The following RGS6 variants were observed in gnomAD, a reference collection of about 807,000 sequenced individuals.
RGS6 encodes the protein regulator of G protein signaling 6, also known as regulator of G-protein signaling 6.
In RGS6, 30 loss-of-function variants were observed where a neutral mutation model predicts 78.5. The ratio of observed to expected loss-of-function variants is 0.38; its 90% CI spans 0.29 to 0.52. RGS6 has a LOEUF of 0.52. Among genes scored for constraint, RGS6 ranks in the 20% least tolerant of loss-of-function variants. The pLI, the probability that RGS6 is intolerant of heterozygous loss-of-function variation, is 0.85. For missense variants in RGS6, 495 were observed against 609.7 expected, an observed-to-expected ratio of 0.81 and a Z score of 1.98; for synonymous variants, 206 against 206.0, an observed-to-expected ratio of 1.00 and a Z score of 0.00.
intron 13 of RGS6, among the ~76,000 whole-genome samples, chr14:72,509,271 A>G (rs2096849431): frequency 6.6e-6 from 1 of 151,726 alleles, no homozygotes; most frequent in Admixed American, 6.6e-5. Context: ...AGGCTGAGGC[A>G]GGAGCATTGC....
At chr14:72,504,305 T>C (rs1330355403) in intron 13 of RGS6, among the ~76,000 whole-genome samples, 1 of 152,240 alleles carries the variant, frequency 6.6e-6, no homozygotes, top group Non-Finnish European at 1.5e-5. Context: ...CTTTTTGTGC[T>C]TAACAATTCT....
intron 2 of RGS6, among the ~76,000 whole-genome samples, chr14:72,164,529 A>G (rs1015956174): frequency 6.6e-6 from 1 of 152,206 alleles, no homozygotes; most frequent in African/African-American, 2.4e-5. Flanking sequence ...GAATCACCTC[A>G]TGGAATCTTC....
chr14:72,262,243 G>A (rs1200181184), intron 2 of RGS6, among the ~76,000 whole-genome samples: 1 of 152,192 alleles, frequency 6.6e-6, no homozygotes, highest in Admixed American at 6.5e-5. Flanking sequence ...GTATTAGTCA[G>A]CTTTGGCTGT....
intron 2 of RGS6, among the ~76,000 whole-genome samples, chr14:72,077,083 C>G (rs992870502): frequency 3.3e-5 from 5 of 151,370 alleles, no homozygotes; most frequent in African/African-American, 9.7e-5. Flanking sequence ...CATTAGAATT[C>G]CCTTTTTCCA....
intron 2 of RGS6, among the ~76,000 whole-genome samples, chr14:72,273,305 TCTC>T (rs1289429523): frequency 2.6e-5 from 4 of 152,136 alleles, no homozygotes; most frequent in Non-Finnish European, 5.9e-5. Flanking sequence ...CATTAGACAA[TCTC>T]CTCCCTCACC....
At chr14:72,607,180 C>T in the RGS6 span, among the ~76,000 whole-genome samples, 1 of 152,174 alleles carries the variant, frequency 6.6e-6, no homozygotes, top group African/African-American at 2.4e-5. Flanking sequence ...TCTCAAAAGA[C>T]CTCTCTCAGA....
intron 2 of RGS6, among the ~76,000 whole-genome samples, chr14:72,162,088 A>T (rs769260539): frequency 1.3e-5 from 2 of 152,242 alleles, no homozygotes; most frequent in African/African-American, 2.4e-5. Flanking sequence ...TCCAAGAATG[A>T]AAACTTTGAC....
intron 15 of RGS6, among the ~76,000 whole-genome samples, chr14:72,528,392 C>T (rs1036141572): frequency 2.0e-5 from 3 of 152,158 alleles, no homozygotes; most frequent in Middle Eastern, 3.2e-3. Context: ...GGTAACATCC[C>T]TCCACTACAG....
At chr14:72,015,643 G>A (rs961744248) in intron 2 of RGS6, among the ~76,000 whole-genome samples, 7 of 152,164 alleles carry the variant, frequency 4.6e-5, no homozygotes, top group Admixed American at 6.5e-5. Flanking sequence ...GTTCTAGAAC[G>A]TGCACATTTT....
At chr14:71,894,048 C>A in the RGS6 span, among the ~76,000 whole-genome samples, 3 of 152,132 alleles carry the variant, frequency 2.0e-5, no homozygotes, top group Non-Finnish European at 4.4e-5. Flanking sequence ...GGTCCTGGAC[C>A]TTTGACCCAT....
chr14:72,060,449 A>G (rs1231546271), intron 2 of RGS6, among the ~76,000 whole-genome samples: 3 of 147,330 alleles, frequency 2.0e-5, no homozygotes, highest in Non-Finnish European at 3.0e-5. Context: ...CAGATATTCT[A>G]TCTGCCATGT....
intron 7 of RGS6, among the ~76,000 whole-genome samples, chr14:72,466,201 T>C (rs1296165551): frequency 6.6e-6 from 1 of 152,184 alleles, no homozygotes; most frequent in Non-Finnish European, 1.5e-5. Flanking sequence ...ACATACCTAT[T>C]AGAATGGCCA....
chr14:71,920,943 T>A, the RGS6 span, among the ~76,000 whole-genome samples: 1 of 152,132 alleles, frequency 6.6e-6, no homozygotes, highest in African/African-American at 2.4e-5. Flanking sequence ...GGAGAAAATA[T>A]TTACAATATT....
upstream of RGS6, among the ~76,000 whole-genome samples, chr14:71,931,073 G>A (rs1053924173): frequency 7.3e-6 from 1 of 136,842 alleles, no homozygotes; most frequent in African/African-American, 2.7e-5. Context: ...TCCATGTACA[G>A]CCTATTCTTT....
chr14:71,942,304 C>G (rs1432881425), intron 1 of RGS6, among the ~76,000 whole-genome samples: 1 of 151,978 alleles, frequency 6.6e-6, no homozygotes, highest in Non-Finnish European at 1.5e-5. Flanking sequence ...TCACCGTTAC[C>G]TCTCTCAGGT....
At chr14:72,418,871 G>C (rs2093999807) in intron 3 of RGS6, among the ~76,000 whole-genome samples, 1 of 152,248 alleles carries the variant, frequency 6.6e-6, no homozygotes, top group South Asian at 2.1e-4. Context: ...GCAGGTCTGA[G>C]AGGGTCCAGG....
rs905392747 is a variant in RGS6 at position 72,231,606 on chromosome 14, T to C, written c.85-120489T>C. On this transcript the variant is annotated intron_variant, in intron 2 of 17. Coordinates refer to ENST00000553525, the MANE Select transcript of RGS6 (RefSeq NM_001204424.2). ...CCAGTGGTAAGCGTGTTATGAAGAA[T>C]AGTAAAGCCAAGTTAGGCAATAGAG... 7.9e-5 allele frequency among the ~76,000 whole-genome samples: 12 copies of C among 152,234 alleles called. No homozygotes were observed. The South Asian group carries it at 2.5e-3, about 32-fold the overall frequency.
chr14:72,408,701 C>T (rs1448013407), intron 3 of RGS6, among the ~76,000 whole-genome samples: 3 of 152,146 alleles, frequency 2.0e-5, no homozygotes, highest in Admixed American at 6.6e-5. Flanking sequence ...ACATTAGAGG[C>T]ACATACTATG....
At chr14:72,556,499 A>G (rs1045478452) in intron 17 of RGS6, among the ~76,000 whole-genome samples, 5 of 152,148 alleles carry the variant, frequency 3.3e-5, no homozygotes. Context: ...CATATCACCA[A>G]TACAGGATAG....
Sources: allele counts gnomAD v4.1 joint callset (sites outside exome capture counted in the v4.1 genomes callset), GRCh38; gene constraint gnomAD v4.1.1; transcripts MANE v1.5; gene names NCBI Gene and HGNC (gene_info 2026-07-23, HGNC 2026-07-21).